The following ZDHHC14 variants were observed in gnomAD, a reference collection of about 807,000 sequenced individuals.
ZDHHC14 encodes the protein zDHHC palmitoyltransferase 14, also known as palmitoyltransferase ZDHHC14.
Under a neutral mutation model 47.7 loss-of-function variants are expected in ZDHHC14, and 16 were observed. The ratio of observed to expected loss-of-function variants is 0.34; its 90% CI spans 0.23 to 0.51. The LOEUF is 0.51. Among genes scored for constraint, ZDHHC14 ranks in the 20% least tolerant of loss-of-function variants. The pLI, the probability that ZDHHC14 is intolerant of heterozygous loss-of-function variation, is 0.97. For synonymous variants in ZDHHC14, 293 were observed against 278.9 expected, an observed-to-expected ratio of 1.05 and a Z score of -0.50; for missense variants, 515 against 662.5, an observed-to-expected ratio of 0.78 and a Z score of 2.44.
rs113966514 is a variant in ZDHHC14, at chr6:157,611,687, G to A, written c.566-16662G>A. 5.1e-4 allele frequency among the ~76,000 whole-genome samples: 78 copies of A among 152,286 alleles called. 4 individuals carry two copies. Among genetic ancestry groups the A allele is most frequent in the African/African-American group, 1.7e-3 (69 of 41,554 alleles). On this transcript the variant is annotated intron_variant, in intron 3 of 8. Coordinates refer to ENST00000359775, the MANE Select transcript of ZDHHC14 (RefSeq NM_024630.3). ...CCAAGTGCTCACCTTATTTCTGCCTGGAATTGTCAAACTGCAACTTAGCTT... is the reference window on the plus strand; with the variant it reads ...CCAAGTGCTCACCTTATTTCTGCCTAGAATTGTCAAACTGCAACTTAGCTT...
At chr6:157,643,965 C>A (rs1314252504) in intron 5 of ZDHHC14, among the ~76,000 whole-genome samples, 1 of 152,046 alleles carries the variant, frequency 6.6e-6, no homozygotes. Flanking sequence ...GTAAATAAAT[C>A]TGGTTCTGTT....
rs148265066 is a variant in ZDHHC14, at chr6:157,656,627, C to T, written c.1068+3000C>T. Among the ~76,000 whole-genome samples, 1,311 of 151,166 alleles carry T rather than the reference C, an allele frequency of 8.7e-3. 27 individuals are homozygous for T. Among genetic ancestry groups the T allele is most frequent in the African/African-American group, 0.03 (1,214 of 41,132 alleles). Reference sequence around the variant, plus strand: ...ATAGGATTACAGGCATGAGTCACCGCGCCCAGCCTGGAAAGCTACTTATTA... The same window carrying T: ...ATAGGATTACAGGCATGAGTCACCGTGCCCAGCCTGGAAAGCTACTTATTA... On this transcript the variant is annotated intron_variant, in intron 8 of 8. Transcript: ENST00000359775.
chr6:157,399,018 G>C (rs765901642), intron 1 of ZDHHC14, among the ~76,000 whole-genome samples: 2 of 152,208 alleles, frequency 1.3e-5, no homozygotes, highest in African/African-American at 2.4e-5. Context: ...CGTTTATGAA[G>C]CTCTGCAATT....
chr6:157,635,256 G>A (rs1776916719), intron 5 of ZDHHC14, among the ~76,000 whole-genome samples: 1 of 152,176 alleles, frequency 6.6e-6, no homozygotes, highest in African/African-American at 2.4e-5. Flanking sequence ...GCCTCCCAAA[G>A]TGTTGGGATT....
intron 1 of ZDHHC14, among the ~76,000 whole-genome samples, chr6:157,510,286 C>A (rs755012122): frequency 6.6e-6 from 1 of 152,144 alleles, no homozygotes. Flanking sequence ...TTCCCTACTT[C>A]AGCTGCACAC....
chr6:157,421,492 C>CAAAAAAAAAAAA (rs147380621), intron 1 of ZDHHC14, among the ~76,000 whole-genome samples: 1 of 56,714 alleles, frequency 1.8e-5, no homozygotes, highest in Admixed American at 2.8e-4. Context: ...GACTCCGTCT[C>CAAAAAAAAAAAA]AAAAAAAAAA....
At chr6:157,541,966 T>G (rs188337841) in intron 1 of ZDHHC14, among the ~76,000 whole-genome samples, 31 of 152,356 alleles carry the variant, frequency 2.0e-4, no homozygotes, top group African/African-American at 6.7e-4. Context: ...CTATTCCAGC[T>G]GCTGAAATCC....
At chr6:157,407,175 C>A (rs902904588) in intron 1 of ZDHHC14, among the ~76,000 whole-genome samples, 1 of 152,192 alleles carries the variant, frequency 6.6e-6, no homozygotes, top group African/African-American at 2.4e-5. Flanking sequence ...AGCCGCCCAC[C>A]TAGTAAGCAG....
chr6:157,439,928 A>G (rs930615463), intron 1 of ZDHHC14, among the ~76,000 whole-genome samples: 16 of 152,134 alleles, frequency 1.1e-4, no homozygotes, highest in African/African-American at 3.6e-4. Flanking sequence ...CGAACACCGC[A>G]TGTTCTCACT....
intron 5 of ZDHHC14, among the ~76,000 whole-genome samples, chr6:157,634,195 T>C (rs1289657198): frequency 1.3e-5 from 2 of 152,114 alleles, no homozygotes; most frequent in Non-Finnish European, 2.9e-5. Context: ...TGGTTACAGG[T>C]CCAGATTCTA....
chr6:157,422,317 G>A (rs772042011), intron 1 of ZDHHC14, among the ~76,000 whole-genome samples: 1 of 151,820 alleles, frequency 6.6e-6, no homozygotes, highest in African/African-American at 2.4e-5. Flanking sequence ...AATGCAAATT[G>A]TATTTTTTTT....
At chr6:157,609,700 G>C (rs903661355) in intron 3 of ZDHHC14, among the ~76,000 whole-genome samples, 3 of 152,218 alleles carry the variant, frequency 2.0e-5, no homozygotes, top group Non-Finnish European at 4.4e-5. Context: ...ACCAGAGGAG[G>C]TGGCCGGGCA....
intron 1 of ZDHHC14, among the ~76,000 whole-genome samples, chr6:157,390,441 A>T (rs1341690657): frequency 1.3e-5 from 2 of 152,078 alleles, no homozygotes; most frequent in African/African-American, 4.8e-5. Context: ...GATATCTTTC[A>T]TCAGTTTTGG....
At chr6:157,538,756 T>C (rs533628186) in intron 1 of ZDHHC14, among the ~76,000 whole-genome samples, 56 of 152,270 alleles carry the variant, frequency 3.7e-4, no homozygotes, top group Middle Eastern at 3.4e-3. Context: ...CTACCAAGGC[T>C]TTTCAGGAAG....
At chr6:157,452,904 C>A (rs903776482) in intron 1 of ZDHHC14, among the ~76,000 whole-genome samples, 1 of 151,896 alleles carries the variant, frequency 6.6e-6, no homozygotes, top group African/African-American at 2.4e-5. Flanking sequence ...AGGGTTTCAC[C>A]GTGTTGGTCA....
intron 3 of ZDHHC14, among the ~76,000 whole-genome samples, chr6:157,594,870 C>A (rs990557030): frequency 2.6e-5 from 4 of 152,110 alleles, no homozygotes; most frequent in Non-Finnish European, 4.4e-5. Context: ...CTGGGGGAAC[C>A]GTCTACCTGT....
intron 2 of ZDHHC14, among the ~76,000 whole-genome samples, chr6:157,568,841 T>A (rs1294091099): frequency 6.6e-6 from 1 of 152,068 alleles, no homozygotes; most frequent in Non-Finnish European, 1.5e-5. Flanking sequence ...AAATTGGGGG[T>A]TGGGGGCAAA....
chr6:157,672,623 C>CA, intron 8 of ZDHHC14, 101 bp from the exon 9 acceptor site: 7 of 312,590 alleles, frequency 2.2e-5, no homozygotes, highest in Non-Finnish European at 3.1e-5. Flanking sequence ...TCTCTTCTCG[C>CA]ACCCCACCCT....
In ZDHHC14 at chr6:157,423,521, C is replaced by T. The variant is rs373557784; in HGVS notation, c.245+41255C>T. On this transcript the variant is annotated intron_variant, in intron 1 of 8. Coordinates refer to ENST00000359775, the MANE Select transcript of ZDHHC14 (RefSeq NM_024630.3). ...AATAAAGTTCCCCTTTTATTTAATC[C>T]AAATTGGTGAGGGTTTACTAAGCAT... is the stretch of plus-strand genomic sequence containing the variant. Among the ~76,000 whole-genome samples, 104 of 151,978 alleles carry T rather than the reference C, an allele frequency of 6.8e-4. 1 individual carries two copies. The highest frequency in any genetic ancestry group is 2.3e-3 in the African/African-American group (97 of 41,408).
Sources: allele counts gnomAD v4.1 joint callset (sites outside exome capture counted in the v4.1 genomes callset), GRCh38; gene constraint gnomAD v4.1.1; transcripts MANE v1.5; gene names NCBI Gene and HGNC (gene_info 2026-07-23, HGNC 2026-07-21).